Variants in MON2 observed in about 807,000 individuals in gnomAD.
The protein encoded by MON2 is protein MON2 homolog.
MON2 carries 84 observed loss-of-function variants against 208.6 expected under a neutral mutation model. The ratio of observed to expected loss-of-function variants is 0.40; its 90% CI spans 0.34 to 0.48. MON2 has a LOEUF of 0.48. Ranked by LOEUF, MON2 falls within the 20% of genes least tolerant of loss-of-function variation. The pLI, the probability that MON2 is intolerant of heterozygous loss-of-function variation, is 0.59. For missense variants in MON2, 1,611 were observed against 2,015.4 expected (o/e 0.80, Z 3.84); for synonymous variants, 660 against 694.0 (o/e 0.95, Z 0.77).
At chr12:62,581,305 T>C (rs957960999) in intron 32 of MON2, among the ~76,000 whole-genome samples, 10 of 152,164 alleles carry the variant, frequency 6.6e-5, no homozygotes, top group African/African-American at 2.2e-4. Context: ...CTGGGATCGC[T>C]AGGTGGGATC....
intron 11 of MON2, among the ~76,000 whole-genome samples, chr12:62,527,905 C>CT (rs1049492326): frequency 5.5e-4 from 83 of 151,156 alleles, no homozygotes; most frequent in African/African-American, 2.0e-3. Flanking sequence ...TGTAGAACTC[C>CT]TTTTTAAAAT....
rs557706372 is a variant in MON2, at chr12:62,507,485, TTTG to T, written c.790-785_790-783del. On this transcript the variant is annotated intron_variant, in intron 7 of 34. Transcript: ENST00000393630. ...GAGGCACCACTATATCCAGCTAATT[TTTG>T]TTGTTGTTGTTGTTGAGACAGGGTC... Among the ~76,000 whole-genome samples, 447 of 151,624 alleles carry T rather than the reference TTTG, an allele frequency of 2.9e-3. 1 individual carries two copies. The highest frequency in any genetic ancestry group is 3.7e-3 in the Non-Finnish European group (252 of 67,866).
At chr12:62,512,029 C>CAA (rs1278331217) in intron 8 of MON2, among the ~76,000 whole-genome samples, 3 of 152,138 alleles carry the variant, frequency 2.0e-5, no homozygotes, top group African/African-American at 7.2e-5. Context: ...GTGAGACTTA[C>CAA]TATCATGAGA....
chr12:62,476,437 C>CTTT (rs113521160), intron 1 of MON2, among the ~76,000 whole-genome samples: 1 of 141,982 alleles, frequency 7.0e-6, no homozygotes, highest in Non-Finnish European at 1.5e-5. Flanking sequence ...TTGAATTTCA[C>CTTT]TTTTTTTTTT....
intron 11 of MON2, among the ~76,000 whole-genome samples, chr12:62,527,170 A>G (rs7964791): frequency 0.15 from 22,657 of 152,022 alleles, 1,886 homozygotes; most frequent in East Asian, 0.27. Context: ...AAGACTTAAT[A>G]TGAAACAGAC....
intron 31 of MON2, among the ~76,000 whole-genome samples, chr12:62,579,936 G>T (rs2074941525): frequency 6.6e-6 from 1 of 152,146 alleles, no homozygotes; most frequent in Non-Finnish European, 1.5e-5. Context: ...TATAAAAAGT[G>T]ATTTAAATGT....
intron 4 of MON2, among the ~76,000 whole-genome samples, chr12:62,495,827 C>G (rs1157205300): frequency 6.6e-6 from 1 of 151,026 alleles, no homozygotes; most frequent in East Asian, 1.9e-4. Flanking sequence ...AATGGCTAGA[C>G]AAATCTTCTT....
intron 19 of MON2, 137 bp downstream of exon 19, chr12:62,538,642 C>CT: frequency 1.6e-6 from 1 of 632,674 alleles, no homozygotes; most frequent in Non-Finnish European, 2.7e-6. Flanking sequence ...GTTTTTACCA[C>CT]TTATCGTTAT....
Position 62,597,581 on chromosome 12 carries a change from C to G in MON2, c.*4832C>G, listed in dbSNP as rs549741801. 6.6e-6 allele frequency: 1 copy of G among 152,276 alleles called. No individual in the cohort carries two copies. The highest frequency in any genetic ancestry group is 6.5e-5 in the Admixed American group (1 of 15,300). The allele number at this position is 152,276 out of a possible 1,614,324, so 9.4% of individuals were successfully genotyped here. A position where few individuals can be genotyped will look rare whatever the true frequency, so the allele number is the denominator to read the frequency against. On this transcript the variant is annotated 3_prime_UTR_variant, in exon 35 of 35. Transcript: ENST00000393630. ...AACTAAAAATAAAAAAAAATTGTGA[C>G]TATAACTCCTACTGTCTTTATGAAT...
At chr12:62,566,830 A>G (rs1479902174) in intron 29 of MON2, among the ~76,000 whole-genome samples, 3 of 152,034 alleles carry the variant, frequency 2.0e-5, no homozygotes, top group African/African-American at 7.2e-5. Flanking sequence ...GCACATGTAT[A>G]CATATGTAAC....
chr12:62,552,303 A>G (rs1049128896), intron 23 of MON2, among the ~76,000 whole-genome samples: 1 of 152,268 alleles, frequency 6.6e-6, no homozygotes, highest in South Asian at 2.1e-4. Flanking sequence ...TGTTGCATAT[A>G]TGATTGCAAG....
chr12:62,586,181 A>C (rs1287882280), intron 33 of MON2, among the ~76,000 whole-genome samples: 1 of 152,236 alleles, frequency 6.6e-6, no homozygotes, highest in African/African-American at 2.4e-5. Flanking sequence ...ATAACTAATG[A>C]AGCAAACAGA....
At chr12:62,566,243 G>T (rs2074382920) in intron 28 of MON2, 79 bp from the exon 29 acceptor site, 2 of 1,522,686 alleles carry the variant, frequency 1.3e-6, no homozygotes, top group Non-Finnish European at 1.8e-6. Flanking sequence ...TTAAGACAAA[G>T]ATGCTTTCTC....
At chr12:62,551,284 C>A (rs2073730671) in intron 23 of MON2, among the ~76,000 whole-genome samples, 1 of 152,122 alleles carries the variant, frequency 6.6e-6, no homozygotes, top group Non-Finnish European at 1.5e-5. Context: ...TTTACTTGAA[C>A]ACTTACAGGT....
intron 16 of MON2, 36 bp from the exon 17 acceptor site, chr12:62,538,060 A>T (rs1251615247): frequency 6.5e-7 from 1 of 1,544,578 alleles, no homozygotes; most frequent in Admixed American, 1.8e-5. Flanking sequence ...ATACTTTTGT[A>T]AAGTTATTTG....
intron 8 of MON2, among the ~76,000 whole-genome samples, chr12:62,523,969 G>T (rs989835142): frequency 6.6e-6 from 1 of 152,060 alleles, no homozygotes; most frequent in African/African-American, 2.4e-5. Flanking sequence ...AGCAACAACA[G>T]TAATGATAAT....
rs2075572435 is a variant in MON2, at chr12:62,598,642, G to T, written c.*5893G>T. Reference sequence around the variant, plus strand: ...AGACTGGATATATTTATCTAATTTTGTGAAATTATTTTTTAGTTCCCAACA... The same window carrying T: ...AGACTGGATATATTTATCTAATTTTTTGAAATTATTTTTTAGTTCCCAACA... On this transcript the variant is annotated 3_prime_UTR_variant, in exon 35 of 35. Transcript: ENST00000393630. 1 of 152,032 alleles carries T rather than the reference G, an allele frequency of 6.6e-6. No homozygotes were observed. Among genetic ancestry groups the T allele is most frequent in the South Asian group, 2.1e-4 (1 of 4,830 alleles). The allele number at this position is 152,032 out of a possible 1,614,324, so 9.4% of individuals were successfully genotyped here.
chr12:62,593,722 T>C lies in MON2; in HGVS notation c.*973T>C, dbSNP rs2075463334. On this transcript the variant is annotated 3_prime_UTR_variant, in exon 35 of 35. Transcript: ENST00000393630. ...TGTTTCCCCTAACAACATTTGTCACTGTCTTTGAATTATGACCCAGGCAAG... is the reference window on the plus strand; with the variant it reads ...TGTTTCCCCTAACAACATTTGTCACCGTCTTTGAATTATGACCCAGGCAAG... The C allele has an allele frequency of 6.6e-6, 1 of 152,350 alleles. No individual in the cohort carries two copies. Among genetic ancestry groups the C allele is most frequent in the African/African-American group, 2.4e-5 (1 of 41,452 alleles). 9.4% of individuals were successfully genotyped at this position (152,350 alleles called of 1,614,324 possible).
intron 29 of MON2, among the ~76,000 whole-genome samples, chr12:62,567,057 G>C (rs1441930900): frequency 6.6e-6 from 1 of 152,074 alleles, no homozygotes. Flanking sequence ...CACTTTTTTA[G>C]TATATGGACA....
Sources: allele counts gnomAD v4.1 joint callset (sites outside exome capture counted in the v4.1 genomes callset), GRCh38; gene constraint gnomAD v4.1.1; transcripts MANE v1.5; gene names NCBI Gene and HGNC (gene_info 2026-07-23, HGNC 2026-07-21).